The following NXPE3 variants were observed in gnomAD, a reference collection of about 807,000 sequenced individuals.
NXPE3 encodes the protein neurexophilin and PC-esterase domain family member 3.
A neutral mutation model predicts 46.1 loss-of-function variants in NXPE3; 26 were observed. That is an observed-to-expected ratio of 0.56 (90% confidence interval 0.41 to 0.78). The LOEUF (loss-of-function observed/expected upper bound fraction) is 0.78. Ranked by LOEUF, NXPE3 falls within the 30% of genes least tolerant of loss-of-function variation. The pLI, the probability that NXPE3 is intolerant of heterozygous loss-of-function variation, is 0.00. For synonymous variants in NXPE3, 272 were observed against 257.9 expected, an observed-to-expected ratio of 1.05 and a Z score of -0.52; for missense variants, 620 against 686.0, an observed-to-expected ratio of 0.90 and a Z score of 1.07.
intron 4 of NXPE3, among the ~76,000 whole-genome samples, chr3:101,796,981 T>C (rs1940862955): frequency 6.6e-6 from 1 of 152,192 alleles, no homozygotes; most frequent in Admixed American, 6.5e-5. Flanking sequence ...CCCTGCAGTT[T>C]AACCAATTGC....
In NXPE3 at chr3:101,817,016, T is replaced by A. The variant is rs1366405982; in HGVS notation, c.1129+15T>A. On this transcript the variant is annotated intron_variant, in intron 7 of 7. Transcript: ENST00000273347. ...ATTTGTTCCAGGTTGGTACTGTGCCTTTTGTTTCGTAACTCTTTCCCACAT... is the reference window on the plus strand; with the variant it reads ...ATTTGTTCCAGGTTGGTACTGTGCCATTTGTTTCGTAACTCTTTCCCACAT... The A allele has an allele frequency of 6.2e-7, 1 of 1,607,926 alleles. No individual in the cohort carries two copies. Among genetic ancestry groups the A allele is most frequent in the East Asian group, 2.2e-5 (1 of 44,842 alleles).
At chr3:101,795,631 C>A (rs1344618245) in intron 4 of NXPE3, among the ~76,000 whole-genome samples, 2 of 151,792 alleles carry the variant, frequency 1.3e-5, no homozygotes, top group African/African-American at 4.8e-5. Flanking sequence ...TCTCATTGAG[C>A]AAGTTCTGTA....
chr3:101,788,787 T>C (rs1212450521), intron 4 of NXPE3, among the ~76,000 whole-genome samples: 1 of 152,026 alleles, frequency 6.6e-6, no homozygotes, highest in Non-Finnish European at 1.5e-5. Flanking sequence ...AGCTAATTTT[T>C]GTATTTTTAG....
intron 5 of NXPE3, among the ~76,000 whole-genome samples, chr3:101,805,552 C>T (rs1941376908): frequency 6.6e-6 from 1 of 152,000 alleles, no homozygotes; most frequent in Admixed American, 6.6e-5. Flanking sequence ...GATTCTTGTG[C>T]CTCACCCTCC....
intron 6 of NXPE3, among the ~76,000 whole-genome samples, chr3:101,811,635 T>C (rs1253303643): frequency 6.6e-6 from 1 of 152,094 alleles, no homozygotes; most frequent in Non-Finnish European, 1.5e-5. Context: ...GTCCCGTGAC[T>C]CTTCATCTAG....
At position 101,782,733 on chromosome 3, in the gene NXPE3, GC is replaced by G. The variant is rs1939897042; in HGVS notation, c.-242del. The G allele has an allele frequency of 6.6e-6, 1 of 151,998 alleles. No homozygotes were observed. The highest frequency in any genetic ancestry group is 6.6e-5 in the Admixed American group (1 of 15,254). 9.4% of individuals were successfully genotyped at this position (151,998 alleles called of 1,614,324 possible). ...GTTCACTGCAGCCTCGACCTCCCAG[GC>G]TCAAGCAATTCTCCTACCTCAGCCT... On this transcript the variant is annotated 5_prime_UTR_variant, in exon 3 of 8. An upstream open reading frame in the 5' UTR loses its in-frame stop. Coordinates refer to ENST00000273347, the MANE Select transcript of NXPE3 (RefSeq NM_145037.4).
intron 4 of NXPE3, among the ~76,000 whole-genome samples, chr3:101,790,508 C>T (rs557438468): frequency 7.4e-4 from 112 of 152,232 alleles, no homozygotes; most frequent in African/African-American, 2.4e-3. Flanking sequence ...TTCTTTGCTC[C>T]GAAATGTACT....
rs138451430 is a variant in NXPE3, at chr3:101,809,814, G to A, written c.922+2688G>A. Among the ~76,000 whole-genome samples, 27 of 152,232 alleles carry A rather than the reference G, an allele frequency of 1.8e-4. 2 individuals are homozygous for A. In the East Asian group the frequency reaches 5.2e-3, roughly 29 times the overall value. On this transcript the variant is annotated intron_variant, in intron 6 of 7. Transcript: ENST00000273347. ...TTTGTGCCCTTTTGTCATCCTGTGT[G>A]CTGTCATCCTTTTGTTTGTTTTGAG...
chr3:101,786,567 T>C (rs1190777043), intron 4 of NXPE3, among the ~76,000 whole-genome samples: 1 of 152,240 alleles, frequency 6.6e-6, no homozygotes, highest in Admixed American at 6.5e-5. Context: ...GAAGTAATTC[T>C]GTTAAAGATT....
chr3:101,789,110 C>T (rs1940356732), intron 4 of NXPE3, among the ~76,000 whole-genome samples: 1 of 152,040 alleles, frequency 6.6e-6, no homozygotes, highest in Non-Finnish European at 1.5e-5. Context: ...TTTGTTTGGT[C>T]AATTTCCATT....
intron 4 of NXPE3, among the ~76,000 whole-genome samples, chr3:101,793,640 T>TA (rs1940649497): frequency 7.0e-6 from 1 of 142,550 alleles, no homozygotes; most frequent in Admixed American, 7.0e-5. Flanking sequence ...TTTTTTTTTT[T>TA]TTTTTTTTTT....
At chr3:101,810,757 G>A (rs780707319) in intron 6 of NXPE3, among the ~76,000 whole-genome samples, 19 of 152,168 alleles carry the variant, frequency 1.2e-4, no homozygotes, top group Non-Finnish European at 2.6e-4. Flanking sequence ...CAAGGAAATG[G>A]GAAACTCAGT....
chr3:101,814,391 T>C lies in NXPE3; in HGVS notation c.923-2404T>C, dbSNP rs545729991. 3.0e-4 allele frequency among the ~76,000 whole-genome samples: 46 copies of C among 152,366 alleles called. 1 individual carries two copies. The South Asian group carries it at 9.5e-3, about 32-fold the overall frequency. On this transcript the variant is annotated intron_variant, in intron 6 of 7. Transcript: ENST00000273347. Reference sequence around the variant, plus strand: ...GCCCCCGACAATTTTTCTTTGATAATCGCATTTGCCAAATAAAGCTTTTAA... The same window carrying C: ...GCCCCCGACAATTTTTCTTTGATAACCGCATTTGCCAAATAAAGCTTTTAA...
At chr3:101,804,459 G>GGT (rs1345048308) in intron 5 of NXPE3, among the ~76,000 whole-genome samples, 1 of 152,172 alleles carries the variant, frequency 6.6e-6, no homozygotes, top group African/African-American at 2.4e-5. Context: ...CAATGTCTGA[G>GGT]GTGGTGTAAG....
chr3:101,798,995 G>A (rs147181582), intron 4 of NXPE3, among the ~76,000 whole-genome samples: 1 of 152,074 alleles, frequency 6.6e-6, no homozygotes, highest in East Asian at 1.9e-4. Context: ...GAGTTCCATG[G>A]TGTGATCATA....
intron 4 of NXPE3, among the ~76,000 whole-genome samples, chr3:101,799,405 C>A (rs1329431574): frequency 6.6e-6 from 1 of 151,986 alleles, no homozygotes; most frequent in African/African-American, 2.4e-5. Flanking sequence ...ATGAAGAAAG[C>A]CCTACTCATT....
chr3:101,813,490 A>G (rs1179254219), intron 6 of NXPE3, among the ~76,000 whole-genome samples: 2 of 152,208 alleles, frequency 1.3e-5, no homozygotes, highest in African/African-American at 2.4e-5. Flanking sequence ...ATTATGGCTA[A>G]TGGATTACAT....
At chr3:101,806,202 T>A (rs1251116065) in intron 5 of NXPE3, among the ~76,000 whole-genome samples, 1 of 152,176 alleles carries the variant, frequency 6.6e-6, no homozygotes, top group African/African-American at 2.4e-5. Flanking sequence ...TTTTCTGAAA[T>A]TGATGAAATA....
intron 6 of NXPE3, among the ~76,000 whole-genome samples, chr3:101,812,213 T>TA: frequency 6.6e-6 from 1 of 152,216 alleles, no homozygotes; most frequent in Non-Finnish European, 1.5e-5. Flanking sequence ...ATTTTATTTT[T>TA]AAAAAATTTA....
Sources: gnomAD v4.1 joint callset for allele counts (sites outside exome capture counted in the v4.1 genomes callset) on GRCh38, gnomAD v4.1.1 for gene constraint, MANE v1.5 for transcripts, NCBI Gene and HGNC (gene_info 2026-07-23, HGNC 2026-07-21) for gene names.